CLCA4: variants seen among roughly 807,000 people sequenced by gnomAD.
The protein encoded by CLCA4 is chloride channel accessory 4, also known as calcium-activated chloride channel regulator 4.
A neutral mutation model predicts 78.9 loss-of-function variants in CLCA4; 69 were observed. That is an observed-to-expected ratio of 0.87 (90% confidence interval 0.72 to 1.07). CLCA4 has a LOEUF of 1.07. Ranked by LOEUF, CLCA4 falls within the 50% of genes least tolerant of loss-of-function variation. The probability of loss-of-function intolerance (pLI) is 0.00; values close to 1 mark genes in which losing one functional copy is unlikely to be tolerated. For synonymous variants in CLCA4, 362 were observed against 375.8 expected (o/e 0.96, Z 0.42); for missense variants, 1,133 against 1,095.8 (o/e 1.03, Z -0.48).
At chr1:86,579,918 C>A (rs780191465) in intron 13 of CLCA4, 24 bp from the exon 14 acceptor site, 1 of 1,462,968 alleles carries the variant, frequency 6.8e-7, no homozygotes, top group Non-Finnish European at 9.3e-7. Flanking sequence ...AGTCTCTAAA[C>A]TACATGTAAC....
chr1:86,552,004 G>A (rs1649678786), intron 1 of CLCA4, among the ~76,000 whole-genome samples: 1 of 152,012 alleles, frequency 6.6e-6, no homozygotes, highest in Non-Finnish European at 1.5e-5. Flanking sequence ...AGTAAAACAT[G>A]ATACACTCAC....
At chr1:86,579,885 A>C (rs1470566238) in intron 13 of CLCA4, 57 bp from the exon 14 acceptor site, 5 of 1,132,550 alleles carry the variant, frequency 4.4e-6, no homozygotes, top group Non-Finnish European at 6.3e-6. Flanking sequence ...AATAAATAAA[A>C]AGGAATGAAT....
intron 7 of CLCA4, among the ~76,000 whole-genome samples, chr1:86,568,767 G>C (rs1650270625): frequency 6.6e-6 from 1 of 151,840 alleles, no homozygotes; most frequent in Non-Finnish European, 1.5e-5. Context: ...TCCCAACTCT[G>C]CATGTTAAAA....
At chr1:86,575,832 T>C (rs1220684723) in intron 11 of CLCA4, among the ~76,000 whole-genome samples, 3 of 152,116 alleles carry the variant, frequency 2.0e-5, no homozygotes, top group African/African-American at 7.2e-5. Context: ...GGCTCACTTA[T>C]GTAATCCTAG....
chr1:86,552,616 G>C, intron 1 of CLCA4: 2 of 671,150 alleles, frequency 3.0e-6, no homozygotes, highest in East Asian at 5.3e-5. Context: ...TCAGGGCTCT[G>C]GTTCAGGTCT....
At chr1:86,552,964 A>C in intron 1 of CLCA4, 1 of 631,724 alleles carries the variant, frequency 1.6e-6, no homozygotes, top group South Asian at 1.8e-5. Context: ...GACTGGGCAA[A>C]GGTTAGAAAC....
At chr1:86,552,937 G>C in intron 1 of CLCA4, 4 of 649,408 alleles carry the variant, frequency 6.2e-6, no homozygotes, top group Non-Finnish European at 1.1e-5. Context: ...CGGGTGCCTC[G>C]GCGTCTGTGC....
At chr1:86,562,650 C>T (rs1650057018) in intron 3 of CLCA4, among the ~76,000 whole-genome samples, 1 of 151,584 alleles carries the variant, frequency 6.6e-6, no homozygotes, top group African/African-American at 2.4e-5. Context: ...GTCAGGAGTT[C>T]GACACCAGCC....
intron 1 of CLCA4, among the ~76,000 whole-genome samples, chr1:86,558,720 C>T (rs976521550): frequency 5.9e-5 from 9 of 151,952 alleles, no homozygotes; most frequent in African/African-American, 2.2e-4. Flanking sequence ...CATCAGATCA[C>T]ATGAGAACTT....
At chr1:86,571,381 G>C in intron 8 of CLCA4, 127 bp downstream of exon 8, 1 of 813,182 alleles carries the variant, frequency 1.2e-6, no homozygotes, top group Non-Finnish European at 1.8e-6. Flanking sequence ...CCCAATCTCT[G>C]TTCTCGTGGC....
chr1:86,564,479 C>A (rs1391338630), intron 4 of CLCA4, among the ~76,000 whole-genome samples: 1 of 152,044 alleles, frequency 6.6e-6, no homozygotes, highest in African/African-American at 2.4e-5. Context: ...CTTAGATGTA[C>A]AACTGCTGCT....
At chr1:86,572,750 G>A (rs1308951828) in intron 9 of CLCA4, 30 bp downstream of exon 9, 1 of 1,284,304 alleles carries the variant, frequency 7.8e-7, no homozygotes, top group Admixed American at 1.7e-5. Context: ...GGGTTTTCAT[G>A]TTCACTTTTG....
chr1:86,577,824 T>C (rs762830832), intron 11 of CLCA4, 78 bp from the exon 12 acceptor site: 113 of 1,146,356 alleles, frequency 9.9e-5, no homozygotes, highest in Non-Finnish European at 1.3e-4. Context: ...GAGGATATGC[T>C]TGTAGAGGCC....
At chr1:86,564,114 C>T (rs1253130709) in intron 4 of CLCA4, among the ~76,000 whole-genome samples, 7 of 152,032 alleles carry the variant, frequency 4.6e-5, no homozygotes, top group Admixed American at 1.3e-4. Flanking sequence ...TTAAGTAGTG[C>T]TAAATGTGGA....
intron 1 of CLCA4, among the ~76,000 whole-genome samples, chr1:86,558,628 G>A (rs1489338944): frequency 1.3e-5 from 2 of 152,126 alleles, no homozygotes; most frequent in Admixed American, 6.5e-5. Flanking sequence ...TGGCAGAAGA[G>A]GAAGCAAACA....
At chr1:86,555,023 T>A (rs1265471658) in intron 1 of CLCA4, among the ~76,000 whole-genome samples, 1 of 152,212 alleles carries the variant, frequency 6.6e-6, no homozygotes, top group Non-Finnish European at 1.5e-5. Context: ...AATGCATCTG[T>A]TCATGTCCTT....
intron 1 of CLCA4, among the ~76,000 whole-genome samples, chr1:86,558,309 T>C (rs1649909850): frequency 6.6e-6 from 1 of 152,168 alleles, no homozygotes; most frequent in South Asian, 2.1e-4. Context: ...GTGACACTGG[T>C]CTGTGTGTCT....
At chr1:86,556,626 G>T (rs1427570455) in intron 1 of CLCA4, among the ~76,000 whole-genome samples, 1 of 152,138 alleles carries the variant, frequency 6.6e-6, no homozygotes, top group Non-Finnish European at 1.5e-5. Context: ...TGTTCATAAA[G>T]GATATTGGCC....
Position 86,565,973 on chromosome 1 carries a change from A to C in CLCA4, c.907A>C (p.Ser303Arg), listed in dbSNP as rs2231592. ...PPPVFSLLKI[S>R]QRIVCLVLDK... The stretch of plus-strand genomic sequence containing the variant: ...ACCTGTCTTCTCATTGCTGAAGATC[A>C]GTCAAAGAATTGTGTGCTTAGTTCT... The change falls in exon 6 of 14, where the codon AGT becomes CGT. Residue 303 changes from serine to arginine, a missense_variant. Physicochemically the swap from Ser to Arg is moderately radical, Grantham distance 110 (BLOSUM62 -1). Coordinates refer to ENST00000370563, the MANE Select transcript of CLCA4 (RefSeq NM_012128.4). The C allele has an allele frequency of 0.023, 37,252 of 1,613,126 alleles. 1,740 individuals are homozygous for C. Among genetic ancestry groups the C allele is most frequent in the East Asian group, 0.23 (10,164 of 44,824 alleles).
Sources: gnomAD v4.1 joint callset for allele counts (sites outside exome capture counted in the v4.1 genomes callset) on GRCh38, gnomAD v4.1.1 for gene constraint, MANE v1.5 for transcripts, NCBI Gene and HGNC (gene_info 2026-07-23, HGNC 2026-07-21) for gene names.